The following CNTNAP4 variants were observed in gnomAD, a reference collection of about 807,000 sequenced individuals.
CNTNAP4 encodes the protein contactin associated protein family member 4.
CNTNAP4 carries 98 observed loss-of-function variants against 148.4 expected under a neutral mutation model. The observed-to-expected ratio is 0.66, with a 90% CI of 0.56 to 0.78. The LOEUF is 0.78. CNTNAP4 is among the 30% of genes least tolerant of loss of function. The probability of loss-of-function intolerance (pLI) is 0.00; values close to 1 mark genes in which losing one functional copy is unlikely to be tolerated. For missense variants in CNTNAP4, 1,935 were observed against 1,565.6 expected, an observed-to-expected ratio of 1.24 and a Z score of -3.98; for synonymous variants, 730 against 565.1, an observed-to-expected ratio of 1.29 and a Z score of -4.14.
intron 15 of CNTNAP4, among the ~76,000 whole-genome samples, chr16:76,517,759 C>T (rs1355288430): frequency 3.3e-5 from 5 of 152,032 alleles, no homozygotes; most frequent in Non-Finnish European, 7.4e-5. Context: ...ATGACCACAC[C>T]AATTTTAGAA....
chr16:76,488,979 C>G (rs946994502), intron 12 of CNTNAP4, among the ~76,000 whole-genome samples: 1 of 152,128 alleles, frequency 6.6e-6, no homozygotes, highest in African/African-American at 2.4e-5. Flanking sequence ...GTGTCAGATG[C>G]ATTCAATTCA....
chr16:76,469,890 T>G (rs770825286), intron 10 of CNTNAP4, among the ~76,000 whole-genome samples: 2 of 152,146 alleles, frequency 1.3e-5, no homozygotes, highest in Non-Finnish European at 1.5e-5. Context: ...TCTGTAAACC[T>G]GTTGTCTTAT....
At chr16:76,533,050 A>G (rs1205421255) in intron 17 of CNTNAP4, among the ~76,000 whole-genome samples, 1 of 152,182 alleles carries the variant, frequency 6.6e-6, no homozygotes, top group African/African-American at 2.4e-5. Flanking sequence ...AGTTTATTGC[A>G]ACACTATTGA....
At chr16:76,349,167 C>A (rs1348249460) in intron 2 of CNTNAP4, among the ~76,000 whole-genome samples, 3 of 152,114 alleles carry the variant, frequency 2.0e-5, no homozygotes, top group East Asian at 3.9e-4. Context: ...CCTTCTCTCT[C>A]TTTTGGCCTC....
intron 2 of CNTNAP4, among the ~76,000 whole-genome samples, chr16:76,335,315 G>A (rs906153132): frequency 1.3e-5 from 2 of 152,106 alleles, no homozygotes; most frequent in African/African-American, 4.8e-5. Context: ...CAATATCTCT[G>A]CAAACCCTTC....
At chr16:76,378,006 C>G (rs899459479) in intron 3 of CNTNAP4, among the ~76,000 whole-genome samples, 3 of 152,214 alleles carry the variant, frequency 2.0e-5, no homozygotes, top group South Asian at 2.1e-4. Context: ...CCTCTCACAA[C>G]TACCAACCAG....
chr16:76,288,397 C>G (rs2143804424), intron 1 of CNTNAP4, among the ~76,000 whole-genome samples: 1 of 152,212 alleles, frequency 6.6e-6, no homozygotes, highest in East Asian at 1.9e-4. Flanking sequence ...ATCCTGGTGT[C>G]CCCTGTGTCC....
chr16:76,281,888 T>G (rs564647088), intron 1 of CNTNAP4, among the ~76,000 whole-genome samples: 10 of 152,092 alleles, frequency 6.6e-5, no homozygotes, highest in Non-Finnish European at 1.2e-4. Flanking sequence ...TTAGTAAACC[T>G]GCATGACAAA....
At chr16:76,511,261 G>T (rs965878412) in intron 15 of CNTNAP4, among the ~76,000 whole-genome samples, 1 of 152,116 alleles carries the variant, frequency 6.6e-6, no homozygotes, top group Non-Finnish European at 1.5e-5. Flanking sequence ...TTCATAGTTA[G>T]AAAAGATTGC....
chr16:76,331,634 TCTC>T (rs957878471), intron 2 of CNTNAP4, among the ~76,000 whole-genome samples: 7 of 152,314 alleles, frequency 4.6e-5, no homozygotes, highest in Admixed American at 6.5e-5. Context: ...TCGCTTTGTC[TCTC>T]CTCTTTTGTA....
At chr16:76,515,858 C>T (rs1251542989) in intron 15 of CNTNAP4, among the ~76,000 whole-genome samples, 1 of 152,078 alleles carries the variant, frequency 6.6e-6, no homozygotes, top group Non-Finnish European at 1.5e-5. Context: ...AATTGGATCA[C>T]TCATACACTG....
At chr16:76,361,556 T>C (rs1443190535) in intron 3 of CNTNAP4, among the ~76,000 whole-genome samples, 3 of 152,202 alleles carry the variant, frequency 2.0e-5, no homozygotes, top group African/African-American at 7.2e-5. Flanking sequence ...AATCTATTCA[T>C]TTGCCTATGG....
Position 76,452,725 on chromosome 16 carries a change from C to A in CNTNAP4, c.1289C>A (p.Ser430Ter). Residue 430 changes from serine to a stop codon, truncating the protein, a stop_gained, in exon 8 of 24, where the codon TCG (serine) becomes TAG (stop). Transcript: ENST00000611870. LOFTEE classifies it high-confidence loss of function. Reference protein sequence around the residue: ...LLFLSDGKLKSNLYQPGKLPS... With the variant: ...LLFLSDGKLK ...TTTCTGAGTGATGGAAAACTTAAGTCGAATCTCTACCAGCCAGGAAAATTA... is the reference window on the plus strand; with the variant it reads ...TTTCTGAGTGATGGAAAACTTAAGTAGAATCTCTACCAGCCAGGAAAATTA... The A allele has an allele frequency of 6.2e-7, 1 of 1,608,910 alleles. No individual in the cohort carries two copies. The highest frequency in any genetic ancestry group is 8.5e-7 in the Non-Finnish European group (1 of 1,177,096).
At chr16:76,323,924 C>G (rs1007589457) in intron 2 of CNTNAP4, among the ~76,000 whole-genome samples, 1 of 152,144 alleles carries the variant, frequency 6.6e-6, no homozygotes, top group Non-Finnish European at 1.5e-5. Context: ...CATTACCTCT[C>G]TTTTTTTACC....
At position 76,419,808 on chromosome 16, in the gene CNTNAP4, C is replaced by T. The variant is rs113155825; in HGVS notation, c.391-7644C>T. Reference sequence around the variant, plus strand: ...CCCAATTCACTTCTTGGTTAGGGTCCTATTTGTGGTTTGCAGATGGCTATC... The same window carrying T: ...CCCAATTCACTTCTTGGTTAGGGTCTTATTTGTGGTTTGCAGATGGCTATC... On this transcript the variant is annotated intron_variant, in intron 3 of 23. Coordinates refer to ENST00000611870, the MANE Select transcript of CNTNAP4 (RefSeq NM_033401.5). 3.6e-3 allele frequency among the ~76,000 whole-genome samples: 541 copies of T among 152,026 alleles called. 2 individuals carry two copies. The highest frequency in any genetic ancestry group is 0.017 in the Middle Eastern group (5 of 294).
chr16:76,492,603 G>A (rs146086546), intron 13 of CNTNAP4, among the ~76,000 whole-genome samples: 26 of 152,218 alleles, frequency 1.7e-4, no homozygotes, highest in African/African-American at 6.0e-4. Flanking sequence ...ACGTGTCAAG[G>A]GCGGGGCCAG....
chr16:76,373,797 A>G (rs1311884981), intron 3 of CNTNAP4, among the ~76,000 whole-genome samples: 7 of 149,138 alleles, frequency 4.7e-5, no homozygotes, highest in Non-Finnish European at 5.9e-5. Flanking sequence ...TGGGAGGCTG[A>G]GGTGGGGGAG....
At chr16:76,340,267 C>A (rs181875719) in intron 2 of CNTNAP4, among the ~76,000 whole-genome samples, 313 of 152,082 alleles carry the variant, frequency 2.1e-3, no homozygotes, top group African/African-American at 7.1e-3. Flanking sequence ...TGCCCAAGTT[C>A]CCCCCCAAAT....
chr16:76,283,924 A>G (rs899015978), intron 1 of CNTNAP4, among the ~76,000 whole-genome samples: 2 of 152,062 alleles, frequency 1.3e-5, no homozygotes, highest in African/African-American at 4.8e-5. Context: ...AACAGTAGGA[A>G]GAGTAAGAAA....
Sources: allele counts gnomAD v4.1 joint callset (sites outside exome capture counted in the v4.1 genomes callset), GRCh38; gene constraint gnomAD v4.1.1; transcripts MANE v1.5; gene names NCBI Gene and HGNC (gene_info 2026-07-23, HGNC 2026-07-21).